Variants in PIKFYVE observed in about 807,000 individuals in gnomAD.
PIKFYVE encodes the protein 1-phosphatidylinositol 3-phosphate 5-kinase.
Under a neutral mutation model 257.9 loss-of-function variants are expected in PIKFYVE, and 122 were observed. The observed-to-expected ratio is 0.47, with a 90% CI of 0.41 to 0.55. PIKFYVE has a LOEUF of 0.55. Among genes scored for constraint, PIKFYVE ranks in the 20% least tolerant of loss-of-function variants. PIKFYVE has a pLI of 0.00. For synonymous variants in PIKFYVE, 892 were observed against 868.9 expected (o/e 1.03, Z -0.47); for missense variants, 2,160 against 2,536.6 (o/e 0.85, Z 3.19).
chr2:208,328,312 A>G (rs752126790), intron 21 of PIKFYVE, 32 bp downstream of exon 21: 10 of 1,612,800 alleles, frequency 6.2e-6, no homozygotes, highest in Non-Finnish European at 6.8e-6. Flanking sequence ...ACTATTCCAC[A>G]TAAGAACAGA....
intron 6 of PIKFYVE, among the ~76,000 whole-genome samples, chr2:208,287,940 AT>A (rs5838114): frequency 0.93 from 141,565 of 152,230 alleles, 66,355 homozygotes; most frequent in Non-Finnish European, 0.98. Flanking sequence ...TGGCATTATG[AT>A]TTTTTTATAC....
chr2:208,292,125 T>C (rs1399164303), intron 7 of PIKFYVE, among the ~76,000 whole-genome samples: 2 of 152,146 alleles, frequency 1.3e-5, no homozygotes, highest in Admixed American at 6.5e-5. Context: ...TTTCTGTTAA[T>C]GATTTCTAGT....
At chr2:208,309,813 T>C (rs931988995) in intron 12 of PIKFYVE, among the ~76,000 whole-genome samples, 2 of 152,226 alleles carry the variant, frequency 1.3e-5, no homozygotes, top group Non-Finnish European at 2.9e-5. Flanking sequence ...TGATGCGTTA[T>C]ATAGACTTGG....
In PIKFYVE at chr2:208,339,465, A is replaced by C; in HGVS notation, c.4720A>C (p.Thr1574Pro). 1.2e-6 allele frequency: 2 copies of C among 1,614,058 alleles called. No homozygotes were observed. The highest frequency in any genetic ancestry group is 1.7e-6 in the Non-Finnish European group (2 of 1,179,976). Residue 1574 changes from threonine to proline, a missense_variant, in exon 30 of 42, where the codon ACT becomes CCT. Coordinates refer to ENST00000264380, the MANE Select transcript of PIKFYVE (RefSeq NM_015040.4). ...TLSSQSSTSS[T>P]HLQLPTPPEV... ...GTCCAGCCAGAGCTCCACCAGTTCT[A>C]CTCATCTCCAATTGCCTACGCCACC...
Position 208,304,199 on chromosome 2 carries a change from C to T in PIKFYVE, c.1349C>T (p.Pro450Leu). 1 of 1,614,114 alleles carries T rather than the reference C, an allele frequency of 6.2e-7. No homozygotes were observed. The highest frequency in any genetic ancestry group is 8.5e-7 in the Non-Finnish European group (1 of 1,179,994). Residue 450 changes from proline to leucine, a missense_variant, in exon 11 of 42, where the codon CCC becomes CTC. Physicochemically the swap from Pro to Leu is moderately conservative, Grantham distance 98. This residue lies in a region of PIKFYVE where 90 missense variants were observed against 110.6 expected (regional missense o/e 0.81). Coordinates refer to ENST00000264380, the MANE Select transcript of PIKFYVE (RefSeq NM_015040.4). Reference sequence around the variant, plus strand: ...ACAGAATTTTCTGAGACGCCTTCTCCCGACAGTGACTCAGTGAACTCCGTG... The same window carrying T: ...ACAGAATTTTCTGAGACGCCTTCTCTCGACAGTGACTCAGTGAACTCCGTG... The part of the protein sequence containing the change: ...QSTEFSETPS[P>L]DSDSVNSVEG...
At chr2:208,277,385 A>G (rs1559392357) in intron 4 of PIKFYVE, 152 bp from the exon 5 acceptor site, 8 of 779,722 alleles carry the variant, frequency 1.0e-5, no homozygotes, top group Admixed American at 2.4e-5. Context: ...TTCTTCTTCA[A>G]GATTGTCTTG....
intron 17 of PIKFYVE, among the ~76,000 whole-genome samples, chr2:208,322,701 AT>A (rs33914706): frequency 4.7e-5 from 7 of 150,156 alleles, no homozygotes; most frequent in African/African-American, 1.2e-4. Context: ...ATATATATAT[AT>A]TTTTTTTATT....
At chr2:208,329,775 G>A in intron 21 of PIKFYVE, 67 bp from the exon 22 acceptor site, 1 of 1,587,178 alleles carries the variant, frequency 6.3e-7, no homozygotes, top group Middle Eastern at 1.7e-4. Flanking sequence ...ATCATAATTT[G>A]TGGTCTCATG....
chr2:208,309,729 G>C (rs1432263138), intron 12 of PIKFYVE, among the ~76,000 whole-genome samples: 1 of 152,210 alleles, frequency 6.6e-6, no homozygotes, highest in Non-Finnish European at 1.5e-5. Flanking sequence ...TTTTGCCACT[G>C]TGCATGGTAA....
At chr2:208,335,442 T>C (rs1242238419) in intron 25 of PIKFYVE, 23 bp downstream of exon 25, 1 of 1,470,078 alleles carries the variant, frequency 6.8e-7, no homozygotes, top group Non-Finnish European at 9.5e-7. Flanking sequence ...TCTTTTATCA[T>C]CTTTTTTTGT....
rs571204206 is a variant in PIKFYVE, at chr2:208,318,997, T to A, written c.2082+1056T>A. On this transcript the variant is annotated intron_variant, in intron 16 of 41. Coordinates refer to ENST00000264380, the MANE Select transcript of PIKFYVE (RefSeq NM_015040.4). ...GTAGGCACTTCAGGTGTTTCCAGTG[T>A]CATTTGTTGGTCCTTGCATTTTGAG... Among the ~76,000 whole-genome samples the A allele has an allele frequency of 7.0e-4, 105 of 150,638 alleles. 1 individual carries two copies. The highest frequency in any genetic ancestry group is 3.5e-3 in the Middle Eastern group (1 of 286).
rs144614429 is a variant in PIKFYVE at position 208,311,958 on chromosome 2, G to C, written c.1637-278G>C. Reference sequence around the variant, plus strand: ...CATAAACCGGTTGGTTTTGGTAAGAGAAAAACATTTCTCTATCTGACATTT... The same window carrying C: ...CATAAACCGGTTGGTTTTGGTAAGACAAAAACATTTCTCTATCTGACATTT... On this transcript the variant is annotated intron_variant, in intron 12 of 41. Coordinates refer to ENST00000264380, the MANE Select transcript of PIKFYVE (RefSeq NM_015040.4). Among the ~76,000 whole-genome samples, 527 of 152,272 alleles carry C rather than the reference G, an allele frequency of 3.5e-3. 3 individuals carry two copies. Among genetic ancestry groups the C allele is most frequent in the African/African-American group, 0.012 (501 of 41,558 alleles).
At chr2:208,301,245 T>G in intron 9 of PIKFYVE, 151 bp downstream of exon 9, 1 of 1,002,888 alleles carries the variant, frequency 1.0e-6, no homozygotes, top group Non-Finnish European at 1.5e-6. Context: ...TACTTAACCC[T>G]CCTCCAATCT....
At chr2:208,276,210 C>T (rs1358515298) in intron 3 of PIKFYVE, among the ~76,000 whole-genome samples, 2 of 152,178 alleles carry the variant, frequency 1.3e-5, no homozygotes, top group Non-Finnish European at 2.9e-5. Context: ...GGCTATTAAA[C>T]TTCTTTCTGA....
intron 13 of PIKFYVE, 81 bp from the exon 14 acceptor site, chr2:208,314,213 A>G (rs1180652872): frequency 8.7e-6 from 13 of 1,489,486 alleles, no homozygotes; most frequent in Middle Eastern, 2.1e-4. Context: ...TATAAAGACA[A>G]AGGGCAATTT....
intron 21 of PIKFYVE, 79 bp downstream of exon 21, chr2:208,328,359 A>C: frequency 1.3e-6 from 2 of 1,560,508 alleles, no homozygotes; most frequent in Non-Finnish European, 1.8e-6. Context: ...ACAAAAAAAC[A>C]GTCATTAGGA....
intron 1 of PIKFYVE, chr2:208,270,037 ATTTTTT>A (rs943072206): frequency 1.5e-4 from 17 of 110,270 alleles, no homozygotes; most frequent in South Asian, 2.9e-4. Context: ...AGACTACAGT[ATTTTTT>A]TTTTTTTTTT....
intron 1 of PIKFYVE, among the ~76,000 whole-genome samples, chr2:208,268,799 C>G (rs550514318): frequency 1.3e-5 from 2 of 151,550 alleles, no homozygotes. Context: ...TTCTTCCCCC[C>G]CCAATAAACA....
chr2:208,295,576 A>C (rs775481735), intron 7 of PIKFYVE, among the ~76,000 whole-genome samples: 3 of 152,188 alleles, frequency 2.0e-5, no homozygotes, highest in Non-Finnish European at 4.4e-5. Flanking sequence ...CTTCAATTTA[A>C]GTTTATCAAA....
Sources: allele counts gnomAD v4.1 joint callset (sites outside exome capture counted in the v4.1 genomes callset), GRCh38; gene constraint gnomAD v4.1.1; regional missense constraint gnomAD v4.1.1; transcripts MANE v1.5; gene names NCBI Gene and HGNC (gene_info 2026-07-23, HGNC 2026-07-21).